The following KDM4C variants were observed in gnomAD, a reference collection of about 807,000 sequenced individuals.
KDM4C encodes the protein lysine-specific demethylase 4C.
KDM4C carries 81 observed loss-of-function variants against 129.3 expected under a neutral mutation model. That is an observed-to-expected ratio of 0.63 (90% CI 0.52 to 0.75). The LOEUF is 0.75. Among genes scored for constraint, KDM4C ranks in the 30% least tolerant of loss-of-function variants. The pLI is 0.00. For missense variants in KDM4C, 1,457 were observed against 1,304.0 expected (o/e 1.12, Z -1.81); for synonymous variants, 573 against 456.1 (o/e 1.26, Z -3.26).
At chr9:7,101,003 CTT>C (rs1837018331) in intron 17 of KDM4C, among the ~76,000 whole-genome samples, 1 of 152,160 alleles carries the variant, frequency 6.6e-6, no homozygotes, top group Non-Finnish European at 1.5e-5. Flanking sequence ...GGCACTGTCT[CTT>C]GTTTGTCATT....
chr9:7,021,274 A>T (rs1824806102), intron 15 of KDM4C, among the ~76,000 whole-genome samples: 1 of 151,634 alleles, frequency 6.6e-6, no homozygotes, highest in African/African-American at 2.4e-5. Context: ...CCTCCTGGGT[A>T]GCTGGGATTA....
At chr9:6,820,630 A>C (rs774032513) in intron 4 of KDM4C, among the ~76,000 whole-genome samples, 1 of 151,668 alleles carries the variant, frequency 6.6e-6, no homozygotes, top group African/African-American at 2.4e-5. Context: ...TTTTTAAAGG[A>C]CTAGATCAGA....
chr9:6,998,076 T>G (rs926689116), intron 12 of KDM4C, among the ~76,000 whole-genome samples: 4 of 152,184 alleles, frequency 2.6e-5, no homozygotes, highest in Non-Finnish European at 5.9e-5. Flanking sequence ...CCAAATAACT[T>G]TTCATCAGTC....
intron 19 of KDM4C, among the ~76,000 whole-genome samples, chr9:7,137,257 C>G (rs1841311548): frequency 6.6e-6 from 1 of 152,208 alleles, no homozygotes; most frequent in African/African-American, 2.4e-5. Flanking sequence ...CAGGCTTACC[C>G]ATGAATGTTC....
chr9:6,792,676 C>T (rs527838810), intron 1 of KDM4C, among the ~76,000 whole-genome samples: 11 of 152,200 alleles, frequency 7.2e-5, no homozygotes, highest in Admixed American at 2.0e-4. Flanking sequence ...CGTGAGCCAC[C>T]GCACCCGGCC....
chr9:7,068,382 C>T (rs775428450), intron 17 of KDM4C, among the ~76,000 whole-genome samples: 1 of 152,144 alleles, frequency 6.6e-6, no homozygotes, highest in African/African-American at 2.4e-5. Context: ...TTTATGTATA[C>T]AATTTGATCA....
At chr9:6,778,379 C>T (rs1236736890) in intron 1 of KDM4C, among the ~76,000 whole-genome samples, 2 of 151,796 alleles carry the variant, frequency 1.3e-5, no homozygotes, top group Non-Finnish European at 2.9e-5. Flanking sequence ...CATGAGCCAC[C>T]CCACCATTCC....
intron 19 of KDM4C, among the ~76,000 whole-genome samples, chr9:7,165,016 G>C (rs1844228168): frequency 6.6e-6 from 1 of 151,418 alleles, no homozygotes; most frequent in Non-Finnish European, 1.5e-5. Context: ...GTTTTTTTCT[G>C]CTTGGATTAT....
intron 9 of KDM4C, among the ~76,000 whole-genome samples, chr9:6,983,230 G>A (rs1399994122): frequency 6.6e-6 from 1 of 152,076 alleles, no homozygotes; most frequent in Non-Finnish European, 1.5e-5. Flanking sequence ...TTAGTCCTGT[G>A]GTGGTTTCTT....
chr9:6,832,526 C>T (rs1300543105), intron 4 of KDM4C, among the ~76,000 whole-genome samples: 3 of 130,646 alleles, frequency 2.3e-5, no homozygotes, highest in Non-Finnish European at 3.2e-5. Flanking sequence ...CCTGGGTTCA[C>T]GCCATTCTCC....
chr9:6,744,405 A>G (rs545230169), intron 1 of KDM4C, among the ~76,000 whole-genome samples: 81 of 152,204 alleles, frequency 5.3e-4, no homozygotes, highest in South Asian at 3.3e-3. Flanking sequence ...TGCGCCTGTA[A>G]TCCCAGCTAC....
intron 1 of KDM4C, among the ~76,000 whole-genome samples, chr9:6,730,906 G>C (rs945237239): frequency 5.3e-4 from 81 of 152,162 alleles, no homozygotes; most frequent in African/African-American, 1.9e-3. Flanking sequence ...TCTTGTTACA[G>C]GCAAATACTC....
intron 4 of KDM4C, among the ~76,000 whole-genome samples, chr9:6,822,554 G>A (rs1238488725): frequency 1.3e-5 from 2 of 152,110 alleles, no homozygotes; most frequent in African/African-American, 4.8e-5. Flanking sequence ...ATGATTCTTT[G>A]GAAACAGTAC....
intron 1 of KDM4C, among the ~76,000 whole-genome samples, chr9:6,724,361 C>T (rs1238682333): frequency 6.6e-6 from 1 of 152,066 alleles, no homozygotes; most frequent in African/African-American, 2.4e-5. Context: ...GACACTTAGA[C>T]ACTAACAAAG....
chr9:7,088,570 A>T (rs944205312), intron 17 of KDM4C, among the ~76,000 whole-genome samples: 4 of 152,168 alleles, frequency 2.6e-5, no homozygotes, highest in Admixed American at 6.5e-5. Context: ...TATTCCTTCA[A>T]CATATGAGGG....
At chr9:6,853,365 G>T in intron 5 of KDM4C, among the ~76,000 whole-genome samples, 1 of 151,968 alleles carries the variant, frequency 6.6e-6, no homozygotes, top group Non-Finnish European at 1.5e-5. Context: ...AGTGGCTCAC[G>T]CCTGTAGCCC....
intron 5 of KDM4C, among the ~76,000 whole-genome samples, chr9:6,872,533 C>G (rs1017017592): frequency 9.9e-5 from 15 of 152,134 alleles, no homozygotes; most frequent in African/African-American, 2.7e-4. Context: ...TAAGAACTTG[C>G]CTTATGAATC....
chr9:7,133,129 C>T (rs1840820912), intron 19 of KDM4C, among the ~76,000 whole-genome samples: 1 of 152,150 alleles, frequency 6.6e-6, no homozygotes, highest in Admixed American at 6.5e-5. Context: ...TTTTCCCCTA[C>T]TAATTTGAAA....
intron 1 of KDM4C, chr9:6,721,077 C>A: frequency 6.0e-6 from 8 of 1,322,858 alleles, no homozygotes; most frequent in Admixed American, 4.1e-5. Flanking sequence ...ATGTTAATTT[C>A]TTTATTTTTA....
Sources: gnomAD v4.1 joint callset for allele counts (sites outside exome capture counted in the v4.1 genomes callset) on GRCh38, gnomAD v4.1.1 for gene constraint, MANE v1.5 for transcripts, NCBI Gene and HGNC (gene_info 2026-07-23, HGNC 2026-07-21) for gene names.